SND1: variants seen among roughly 807,000 people sequenced by gnomAD.
SND1 encodes the protein staphylococcal nuclease and tudor domain containing 1.
SND1 carries 38 observed loss-of-function variants against 121.7 expected under a neutral mutation model. That is an observed-to-expected ratio of 0.31 (90% CI 0.24 to 0.41). The LOEUF (loss-of-function observed/expected upper bound fraction) is 0.41. Ranked by LOEUF, SND1 falls within the 10% of genes least tolerant of loss-of-function variation. The pLI is 1.00. For synonymous variants in SND1, 401 were observed against 447.4 expected, an observed-to-expected ratio of 0.90 and a Z score of 1.31; for missense variants, 868 against 1,184.6, an observed-to-expected ratio of 0.73 and a Z score of 3.92.
intron 14 of SND1, among the ~76,000 whole-genome samples, chr7:127,911,970 C>A (rs12374870): frequency 0.021 from 3,259 of 151,920 alleles, 47 homozygotes; most frequent in Non-Finnish European, 0.033. Flanking sequence ...TGGTTTGTTT[C>A]TCTCTCTCTT....
At chr7:127,817,952 C>T (rs1322308632) in intron 11 of SND1, among the ~76,000 whole-genome samples, 4 of 151,972 alleles carry the variant, frequency 2.6e-5, no homozygotes, top group East Asian at 1.9e-4. Context: ...TTGACAATGA[C>T]GTCGAGATCC....
At chr7:127,826,994 A>G (rs572319521) in intron 11 of SND1, among the ~76,000 whole-genome samples, 2 of 152,338 alleles carry the variant, frequency 1.3e-5, no homozygotes, top group South Asian at 4.1e-4. Context: ...CTGAAGTTCA[A>G]TCCAGGCATA....
chr7:127,654,310 C>T (rs1264275603), intron 1 of SND1, among the ~76,000 whole-genome samples: 4 of 152,130 alleles, frequency 2.6e-5, no homozygotes, highest in East Asian at 1.9e-4. Context: ...AAGTAGATAA[C>T]GATTATCAGC....
At chr7:127,704,199 T>A (rs184610323) in intron 7 of SND1, among the ~76,000 whole-genome samples, 155 of 152,352 alleles carry the variant, frequency 1.0e-3, no homozygotes, top group African/African-American at 3.4e-3. Flanking sequence ...GGATTTTCAT[T>A]ATTTTAACCT....
At position 127,706,621 on chromosome 7, in the gene SND1, C is replaced by T. The variant is rs142804311; in HGVS notation, c.948-936C>T. Among the ~76,000 whole-genome samples, 143 of 152,222 alleles carry T rather than the reference C, an allele frequency of 9.4e-4. 1 individual carries two copies. The highest frequency in any genetic ancestry group is 3.4e-3 in the Middle Eastern group (1 of 294). On this transcript the variant is annotated intron_variant, in intron 8 of 23. Coordinates refer to ENST00000354725, the MANE Select transcript of SND1 (RefSeq NM_014390.4). ...AAAATAATATCTACATGTTATATGA[C>T]ATCGGTAGAAGATTTTATGGATTTT...
chr7:128,033,073 G>A (rs907148539), intron 16 of SND1, among the ~76,000 whole-genome samples: 4 of 152,152 alleles, frequency 2.6e-5, no homozygotes, highest in African/African-American at 9.7e-5. Flanking sequence ...AGAACTGGGG[G>A]AAGGGAGGCG....
intron 14 of SND1, among the ~76,000 whole-genome samples, chr7:127,917,891 ATATT>A (rs1426910426): frequency 2.6e-5 from 4 of 152,218 alleles, no homozygotes; most frequent in Non-Finnish European, 4.4e-5. Flanking sequence ...AGCATCAATA[ATATT>A]TATTTGTTTC....
In SND1 at chr7:127,929,240, C is replaced by G; in HGVS notation, c.1580C>G (p.Ser527Cys). 6.2e-7 allele frequency: 1 copy of G among 1,614,100 alleles called. No individual in the cohort carries two copies. Among genetic ancestry groups the G allele is most frequent in the Non-Finnish European group, 8.5e-7 (1 of 1,179,948 alleles). Residue 527 changes from serine to cysteine, a missense_variant, in exon 15 of 24, where the codon TCT becomes TGT. Around this residue, in one of 2 missense-constraint regions of SND1, gnomAD observed 743 missense variants for 1,071.3 expected, o/e 0.69. Transcript: ENST00000354725. The part of the protein sequence containing the change: ...FLPFLQRAGR[S>C]EAVVEYVFSG... ...CCTTTTCTTCAGCGGGCAGGTCGTT[C>G]TGAAGCTGTGGTGGAATACGTCTTC...
intron 22 of SND1, 117 bp from the exon 23 acceptor site, chr7:128,091,720 T>C (rs1793783944): frequency 9.7e-7 from 1 of 1,030,994 alleles, no homozygotes; most frequent in East Asian, 2.4e-5. Flanking sequence ...TAAGGCTCCA[T>C]TGGACAGGCT....
intron 12 of SND1, among the ~76,000 whole-genome samples, chr7:127,886,419 C>A (rs1046324999): frequency 1.3e-5 from 2 of 151,930 alleles, no homozygotes; most frequent in Non-Finnish European, 2.9e-5. Context: ...GTATAACTTT[C>A]TAAGAACCAC....
intron 16 of SND1, among the ~76,000 whole-genome samples, chr7:128,040,747 C>T (rs1243352076): frequency 6.6e-6 from 1 of 152,230 alleles, no homozygotes; most frequent in African/African-American, 2.4e-5. Flanking sequence ...TGTATCTCTT[C>T]CATGGCCTCC....
chr7:127,811,595 C>A (rs1476840744), intron 11 of SND1, among the ~76,000 whole-genome samples: 1 of 152,064 alleles, frequency 6.6e-6, no homozygotes, highest in Non-Finnish European at 1.5e-5. Context: ...AGCCTGGACT[C>A]CTATGTGGCC....
At chr7:127,940,453 G>A (rs961187689) in intron 15 of SND1, among the ~76,000 whole-genome samples, 3 of 152,108 alleles carry the variant, frequency 2.0e-5, no homozygotes, top group Admixed American at 2.0e-4. Flanking sequence ...GGCAGGACCT[G>A]GATGCAGGAG....
intron 10 of SND1, among the ~76,000 whole-genome samples, chr7:127,787,205 TG>T (rs1797828349): frequency 6.6e-6 from 1 of 152,208 alleles, no homozygotes; most frequent in Non-Finnish European, 1.5e-5. Context: ...TTATGCTTTT[TG>T]TTTGTTGGTT....
intron 14 of SND1, among the ~76,000 whole-genome samples, chr7:127,925,553 C>A (rs539305473): frequency 9.9e-5 from 15 of 151,448 alleles, no homozygotes; most frequent in South Asian, 2.1e-4. Flanking sequence ...TAGTTGTTAT[C>A]TCTTTAAATC....
chr7:127,920,506 A>G (rs574927579), intron 14 of SND1, among the ~76,000 whole-genome samples: 1 of 152,318 alleles, frequency 6.6e-6, no homozygotes, highest in East Asian at 1.9e-4. Flanking sequence ...TTAACAAAAA[A>G]TTGTAAGACT....
chr7:128,028,762 G>C, intron 16 of SND1: 1 of 1,614,080 alleles, frequency 6.2e-7, no homozygotes. Context: ...GTGGGGTGCA[G>C]AGAGTTCCCC....
intron 16 of SND1, among the ~76,000 whole-genome samples, chr7:128,003,849 G>C (rs1459587118): frequency 1.3e-5 from 2 of 152,178 alleles, no homozygotes; most frequent in Admixed American, 1.3e-4. Flanking sequence ...TCACAGCCAA[G>C]CTCCCTACCT....
chr7:127,970,723 T>G (rs1006459300), intron 15 of SND1, among the ~76,000 whole-genome samples: 6 of 152,188 alleles, frequency 3.9e-5, no homozygotes, highest in Admixed American at 1.3e-4. Context: ...AACCCCTGAT[T>G]CTTGCCTGAT....
Sources: allele counts gnomAD v4.1 joint callset (sites outside exome capture counted in the v4.1 genomes callset), GRCh38; gene constraint gnomAD v4.1.1; regional missense constraint gnomAD v4.1.1; transcripts MANE v1.5; gene names NCBI Gene and HGNC (gene_info 2026-07-23, HGNC 2026-07-21).